The following RGS7 variants were observed in gnomAD, a reference collection of about 807,000 sequenced individuals.
RGS7 encodes regulator of G protein signaling 7, also known as regulator of G-protein signaling 7.
Under a neutral mutation model 81.1 loss-of-function variants are expected in RGS7, and 27 were observed. That is an observed-to-expected ratio of 0.33 (90% confidence interval 0.25 to 0.46). The LOEUF (loss-of-function observed/expected upper bound fraction) is 0.46. Ranked by LOEUF, RGS7 falls within the 20% of genes least tolerant of loss-of-function variation. The probability of loss-of-function intolerance (pLI) is 1.00; values close to 1 mark genes in which losing one functional copy is unlikely to be tolerated. For synonymous variants in RGS7, 208 were observed against 207.7 expected (o/e 1.00, Z -0.01); for missense variants, 396 against 607.4 (o/e 0.65, Z 3.66).
chr1:241,247,349 G>C lies in RGS7; in HGVS notation c.78+108350C>G, dbSNP rs991462927. Among the ~76,000 whole-genome samples, 4 of 152,244 alleles carry C rather than the reference G, an allele frequency of 2.6e-5. No homozygotes were observed. The East Asian group carries it at 7.7e-4, about 29-fold the overall frequency. On this transcript the variant is annotated intron_variant, in intron 2 of 18. Transcript: ENST00000440928. ...TTTGGAAGTAATGGCTTTTAAATGAGCCTGGAGTTGAAATCGTAGGAAGAA... is the reference window on the plus strand; with the variant it reads ...TTTGGAAGTAATGGCTTTTAAATGACCCTGGAGTTGAAATCGTAGGAAGAA...
At chr1:241,165,887 T>G (rs1454439041) in intron 2 of RGS7, among the ~76,000 whole-genome samples, 1 of 151,342 alleles carries the variant, frequency 6.6e-6, no homozygotes, top group African/African-American at 2.4e-5. Context: ...GTTCTCAAAA[T>G]TTGGCCCCCA....
At chr1:241,115,663 G>A (rs75578893) in intron 2 of RGS7, among the ~76,000 whole-genome samples, 3,783 of 152,106 alleles carry the variant, frequency 0.025, 151 homozygotes, top group African/African-American at 0.086. Flanking sequence ...CGTTTCCCTT[G>A]GAGAATATAA....
chr1:240,976,995 CTATCA>C lies in RGS7; in HGVS notation c.226+6079_226+6083del, dbSNP rs879596103. ...CATTTATCTATCATCTATCATTTAT[CTATCA>C]TCTATCATTTATCTCTATCATTTAT... On this transcript the variant is annotated intron_variant, in intron 4 of 18. Coordinates refer to ENST00000440928, the MANE Select transcript of RGS7 (RefSeq NM_001364886.1). Among the ~76,000 whole-genome samples the C allele has an allele frequency of 8.5e-3, 1,286 of 150,698 alleles. 18 individuals carry two copies. Among genetic ancestry groups the C allele is most frequent in the African/African-American group, 0.03 (1,221 of 40,602 alleles).
intron 2 of RGS7, among the ~76,000 whole-genome samples, chr1:241,315,086 C>CTTT (rs1185938615): frequency 1.2e-4 from 7 of 56,350 alleles, no homozygotes; most frequent in South Asian, 6.8e-4. Context: ...ACAGTAGAAG[C>CTTT]TTTTTTTTTT....
chr1:240,983,014 G>C, intron 4 of RGS7, 65 bp downstream of exon 4: 2 of 906,094 alleles, frequency 2.2e-6, no homozygotes, highest in Non-Finnish European at 3.6e-6. Context: ...AAATATCCCT[G>C]ATGAAACATA....
intron 6 of RGS7, chr1:240,919,780 T>C (rs1338418124): frequency 7.1e-6 from 5 of 706,020 alleles, no homozygotes; most frequent in Non-Finnish European, 1.3e-5. Flanking sequence ...ATGGACTGTG[T>C]GGTAATGAGA....
At chr1:240,861,892 G>A (rs1662260882) in intron 9 of RGS7, among the ~76,000 whole-genome samples, 1 of 152,098 alleles carries the variant, frequency 6.6e-6, no homozygotes, top group Non-Finnish European at 1.5e-5. Context: ...ACAAGTAGAA[G>A]TTTCACTGCA....
intron 4 of RGS7, among the ~76,000 whole-genome samples, chr1:240,941,906 C>T (rs1357959513): frequency 6.6e-6 from 1 of 151,038 alleles, no homozygotes; most frequent in East Asian, 1.9e-4. Context: ...CGCTTCACGG[C>T]AAAATAATCG....
intron 4 of RGS7, among the ~76,000 whole-genome samples, chr1:240,949,376 C>T (rs1679178863): frequency 6.6e-6 from 1 of 152,164 alleles, no homozygotes; most frequent in South Asian, 2.1e-4. Flanking sequence ...CACCCATCTG[C>T]TATCCACTCA....
chr1:240,924,077 C>T (rs1007853295), intron 6 of RGS7, among the ~76,000 whole-genome samples: 1 of 152,118 alleles, frequency 6.6e-6, no homozygotes, highest in Admixed American at 6.6e-5. Context: ...CAAAACAAAA[C>T]TTTGGATATG....
At chr1:241,165,621 C>G (rs55720621) in intron 2 of RGS7, among the ~76,000 whole-genome samples, 14,213 of 103,104 alleles carry the variant, frequency 0.14, 791 homozygotes, top group Middle Eastern at 0.24. Flanking sequence ...CACACTCTGG[C>G]GATTGTTGTG....
chr1:240,853,793 C>A (rs1161951690), intron 9 of RGS7, among the ~76,000 whole-genome samples: 1 of 146,326 alleles, frequency 6.8e-6, no homozygotes, highest in Admixed American at 7.2e-5. Context: ...CCCAGCTACT[C>A]AGGAGGCTGA....
chr1:241,336,943 C>T (rs1481949204), intron 2 of RGS7, among the ~76,000 whole-genome samples: 1 of 152,190 alleles, frequency 6.6e-6, no homozygotes, highest in Non-Finnish European at 1.5e-5. Flanking sequence ...GCCTTAAACA[C>T]ATGGGCTTCA....
At chr1:240,801,063 C>T (rs963286333) in intron 17 of RGS7, among the ~76,000 whole-genome samples, 4 of 152,010 alleles carry the variant, frequency 2.6e-5, no homozygotes, top group African/African-American at 9.6e-5. Flanking sequence ...CGCATAGAAC[C>T]CTCATTGTTC....
intron 2 of RGS7, among the ~76,000 whole-genome samples, chr1:241,193,028 G>C (rs749189170): frequency 6.6e-6 from 1 of 152,162 alleles, no homozygotes; most frequent in East Asian, 1.9e-4. Context: ...ATAATAATGG[G>C]CAGGTTCTGA....
rs73131684 is a variant in RGS7 at position 241,193,435 on chromosome 1, A to C, written c.79-94673T>G. Among the ~76,000 whole-genome samples, 302 of 152,282 alleles carry C rather than the reference A, an allele frequency of 2.0e-3. 2 individuals carry two copies. The highest frequency in any genetic ancestry group is 6.8e-3 in the Middle Eastern group (2 of 294). On this transcript the variant is annotated intron_variant, in intron 2 of 18. Transcript: ENST00000440928. ...TCTTAGAATGATAACTTCTAACATCATGGATCCTGAAAATTAGCTAATGTG... is the reference window on the plus strand; with the variant it reads ...TCTTAGAATGATAACTTCTAACATCCTGGATCCTGAAAATTAGCTAATGTG...
At chr1:241,012,095 T>C (rs1364842886) in intron 3 of RGS7, among the ~76,000 whole-genome samples, 1 of 152,104 alleles carries the variant, frequency 6.6e-6, no homozygotes, top group Non-Finnish European at 1.5e-5. Context: ...CACTAGCCAG[T>C]TATAGACAAC....
At chr1:241,134,599 C>T (rs1314892616) in intron 2 of RGS7, among the ~76,000 whole-genome samples, 2 of 152,132 alleles carry the variant, frequency 1.3e-5, no homozygotes, top group East Asian at 1.9e-4. Flanking sequence ...ACACCTACGC[C>T]ATAGAAGCGG....
At chr1:241,067,752 T>C (rs1572529633) in intron 3 of RGS7, among the ~76,000 whole-genome samples, 2 of 151,996 alleles carry the variant, frequency 1.3e-5, no homozygotes, top group African/African-American at 4.8e-5. Context: ...TGACCTCAGG[T>C]GATCCACCTG....
Sources: allele counts gnomAD v4.1 joint callset (sites outside exome capture counted in the v4.1 genomes callset), GRCh38; gene constraint gnomAD v4.1.1; transcripts MANE v1.5; gene names NCBI Gene and HGNC (gene_info 2026-07-23, HGNC 2026-07-21).